Variants in CNTRL observed in about 807,000 individuals in gnomAD.
CNTRL encodes the protein centriolin.
CNTRL carries 233 observed loss-of-function variants against 303.7 expected under a neutral mutation model. The observed-to-expected ratio is 0.77, with a 90% CI of 0.69 to 0.86. The LOEUF is 0.86. Ranked by LOEUF, CNTRL falls within the 40% of genes least tolerant of loss-of-function variation. CNTRL has a pLI of 0.00. For missense variants in CNTRL, 2,524 were observed against 2,650.6 expected (o/e 0.95, Z 1.05); for synonymous variants, 900 against 922.2 (o/e 0.98, Z 0.44).
At chr9:121,092,562 A>T (rs71497041) in intron 4 of CNTRL, among the ~76,000 whole-genome samples, 131 of 3,800 alleles carry the variant, frequency 0.034, 4 homozygotes, top group East Asian at 0.077. Context: ...CTATATATAT[A>T]ATATATATCT....
chr9:121,091,531 T>G (rs757392531), intron 4 of CNTRL, among the ~76,000 whole-genome samples: 8 of 152,156 alleles, frequency 5.3e-5, no homozygotes, highest in African/African-American at 7.2e-5. Flanking sequence ...TAATGAAAGA[T>G]GTATTTTAAT....
chr9:121,095,438 T>C (rs1319897547), intron 5 of CNTRL, among the ~76,000 whole-genome samples: 1 of 152,202 alleles, frequency 6.6e-6, no homozygotes, highest in Non-Finnish European at 1.5e-5. Context: ...CTACAAGAAA[T>C]ATGCTCTCAA....
intron 2 of CNTRL, among the ~76,000 whole-genome samples, chr9:121,082,753 C>T (rs1217663089): frequency 6.6e-6 from 1 of 152,034 alleles, no homozygotes; most frequent in Non-Finnish European, 1.5e-5. Context: ...ACGTGGATCA[C>T]AAGGTCAGGA....
Position 121,112,489 on chromosome 9 carries a change from G to A in CNTRL, c.1033G>A (p.Ala345Thr). ...LKQKTIELTR[A>T]CQKQYELEQE... ...ACAGAAGACCATAGAATTAACACGAGCATGTCAGAAGCAATATGAGCTGGA... is the reference window on the plus strand; with the variant it reads ...ACAGAAGACCATAGAATTAACACGAACATGTCAGAAGCAATATGAGCTGGA... The change falls in exon 9 of 44, where the codon GCA becomes ACA. Residue 345 changes from alanine to threonine, a missense_variant. Physicochemically the swap from Ala to Thr is moderately conservative, Grantham distance 58. Coordinates refer to ENST00000373855, the MANE Select transcript of CNTRL (RefSeq NM_007018.6). The A allele has an allele frequency of 6.2e-7, 1 of 1,612,900 alleles. No individual in the cohort carries two copies. The highest frequency in any genetic ancestry group is 8.5e-7 in the Non-Finnish European group (1 of 1,179,192).
At chr9:121,175,391 C>T in intron 43 of CNTRL, 167 bp downstream of exon 43, 1 of 663,154 alleles carries the variant, frequency 1.5e-6, no homozygotes, top group Non-Finnish European at 2.7e-6. Flanking sequence ...CTCAGCCTCC[C>T]ATGTAGCTGG....
chr9:121,146,346 C>T (rs952011501), intron 23 of CNTRL, 90 bp downstream of exon 23: 43 of 1,298,660 alleles, frequency 3.3e-5, no homozygotes, highest in Non-Finnish European at 4.4e-5. Context: ...GAACAGGTAC[C>T]AAAAACAACA....
Position 121,094,963 on chromosome 9 carries a change from AAG to A in CNTRL, c.425_426del (p.Lys142IlefsTer9). 3 of 1,606,574 alleles carry A rather than the reference AAG, an allele frequency of 1.9e-6. No individual in the cohort carries two copies. Among genetic ancestry groups the A allele is most frequent in the Non-Finnish European group, 2.6e-6 (3 of 1,175,212 alleles). ...CTATAATCTAATAGGGAAGATTGAA[AAG>A]TTGGACAAGCTGTTAAAATTACGTG... ...LSYNLIGKIE[K>X]LDKLLKLREL... On this transcript the variant is annotated frameshift_variant, in exon 5 of 44. Coordinates refer to ENST00000373855, the MANE Select transcript of CNTRL (RefSeq NM_007018.6). LOFTEE classifies it high-confidence loss of function.
At position 121,168,256 on chromosome 9, in the gene CNTRL, G is replaced by C; in HGVS notation, c.6005G>C (p.Arg2002Pro). 1 of 1,614,200 alleles carries C rather than the reference G, an allele frequency of 6.2e-7. No homozygotes were observed. Among genetic ancestry groups the C allele is most frequent in the Non-Finnish European group, 8.5e-7 (1 of 1,180,032 alleles). The change falls in exon 38 of 44, where the codon CGT (arginine) becomes CCT (proline). Residue 2002 changes from arginine to proline, a missense_variant. Physicochemically the swap from Arg to Pro is moderately radical, Grantham distance 103 (BLOSUM62 -2). Transcript: ENST00000373855. ...TCAAAGGTGCTGGCAGCTGAAGAGC[G>C]TGTTAGGACTCTGCAGGAAGAGGAG... The part of the protein sequence containing the change: ...VLSKVLAAEE[R>P]VRTLQEEERW...
intron 14 of CNTRL, among the ~76,000 whole-genome samples, chr9:121,127,666 A>G (rs769944810): frequency 3.3e-5 from 5 of 151,410 alleles, no homozygotes; most frequent in Non-Finnish European, 5.9e-5. Context: ...CTTTTTAATT[A>G]TTATTATACT....
chr9:121,124,686 C>G (rs2050406916), intron 13 of CNTRL, among the ~76,000 whole-genome samples: 1 of 150,956 alleles, frequency 6.6e-6, no homozygotes, highest in Non-Finnish European at 1.5e-5. Flanking sequence ...GCCTGTAATC[C>G]TAGCACTTTG....
intron 1 of CNTRL, among the ~76,000 whole-genome samples, chr9:121,078,701 A>G (rs1026324038): frequency 1.3e-5 from 2 of 152,246 alleles, no homozygotes; most frequent in South Asian, 4.1e-4. Flanking sequence ...GCTATAAATC[A>G]GAGTTCCCAC....
In CNTRL at chr9:121,123,954, C is replaced by T. The variant is rs1435556167; in HGVS notation, c.1674C>T (p.Ser558=). 4.4e-6 allele frequency: 7 copies of T among 1,598,090 alleles called. No individual in the cohort carries two copies. The highest frequency in any genetic ancestry group is 2.3e-5 in the South Asian group (2 of 87,576). The change falls in exon 13 of 44, where the codon AGC becomes AGT. Residue 558 remains serine (S), a synonymous_variant. Transcript: ENST00000373855. ...PKHSHMKAQK[S]GKEQQLDIMN... is the part of the protein sequence containing the mutation. Reference sequence around the variant, plus strand: ...AGTCCCATATGAAGGCTCAAAAGAGCGGTAAAGAACAACAGCTTGACATTA... The same window carrying T: ...AGTCCCATATGAAGGCTCAAAAGAGTGGTAAAGAACAACAGCTTGACATTA...
intron 26 of CNTRL, among the ~76,000 whole-genome samples, chr9:121,153,814 G>T (rs1431615808): frequency 6.6e-6 from 1 of 152,250 alleles, no homozygotes; most frequent in East Asian, 1.9e-4. Context: ...AAGTAAGTAA[G>T]ACGTGGTCAC....
chr9:121,092,790 G>A (rs11789890), intron 4 of CNTRL, among the ~76,000 whole-genome samples: 2,636 of 13,854 alleles, frequency 0.19, 1,026 homozygotes, highest in East Asian at 0.93. Context: ...ATATAGATAT[G>A]TAATATATAT....
chr9:121,156,091 A>G (rs949951726), intron 27 of CNTRL, among the ~76,000 whole-genome samples: 6 of 151,822 alleles, frequency 4.0e-5, no homozygotes, highest in African/African-American at 1.5e-4. Context: ...GAACTAGAGG[A>G]AAAAAAATCA....
intron 26 of CNTRL, 74 bp downstream of exon 26, chr9:121,152,767 T>A: frequency 8.6e-7 from 1 of 1,161,246 alleles, no homozygotes; most frequent in Non-Finnish European, 1.2e-6. Context: ...GAACTTTCTA[T>A]AATCTTGGAA....
intron 5 of CNTRL, among the ~76,000 whole-genome samples, chr9:121,095,314 A>G (rs978453477): frequency 2.6e-5 from 4 of 152,170 alleles, no homozygotes; most frequent in Non-Finnish European, 5.9e-5. Flanking sequence ...ATTGTCTGTG[A>G]TTTATTACCT....
intron 8 of CNTRL, among the ~76,000 whole-genome samples, chr9:121,112,051 G>A (rs563119021): frequency 1.3e-5 from 2 of 151,876 alleles, no homozygotes; most frequent in South Asian, 4.2e-4. Context: ...ATTTTCCCTT[G>A]TAATTTGAAA....
intron 16 of CNTRL, 90 bp downstream of exon 16, chr9:121,138,769 C>A: frequency 7.5e-7 from 1 of 1,335,332 alleles, no homozygotes; most frequent in African/African-American, 1.5e-5. Context: ...CCTGCTCTAA[C>A]ATGTAGTAAG....
Sources: allele counts gnomAD v4.1 joint callset (sites outside exome capture counted in the v4.1 genomes callset), GRCh38; gene constraint gnomAD v4.1.1; transcripts MANE v1.5; gene names NCBI Gene and HGNC (gene_info 2026-07-23, HGNC 2026-07-21).